Variants in ZNF385C observed in about 807,000 individuals in gnomAD.
ZNF385C encodes CTD-2132N18.2.
In ZNF385C, 28 loss-of-function variants were observed where a neutral mutation model predicts 35.4. That is an observed-to-expected ratio of 0.79 (90% CI 0.59 to 1.08). ZNF385C has a LOEUF of 1.08. ZNF385C is among the 50% of genes least tolerant of loss of function. ZNF385C has a pLI of 0.00. For missense variants in ZNF385C, 605 were observed against 595.6 expected (o/e 1.02, Z -0.16); for synonymous variants, 248 against 248.2 (o/e 1.00, Z 0.01).
intron 5 of ZNF385C, among the ~76,000 whole-genome samples, 165 bp downstream of exon 5, chr17:42,031,454 G>A (rs530207246): frequency 1.3e-5 from 2 of 152,346 alleles, no homozygotes; most frequent in African/African-American, 4.8e-5. Flanking sequence ...TGATCTGGGT[G>A]TGTTCAGCTT....
intron 1 of ZNF385C, among the ~76,000 whole-genome samples, chr17:42,079,335 T>G (rs1598203267): frequency 7.1e-6 from 1 of 140,832 alleles, no homozygotes; most frequent in East Asian, 2.0e-4. Flanking sequence ...CAGTGAGCCA[T>G]GATCATGCCA....
In ZNF385C at chr17:42,035,859, G is replaced by A. The variant is rs981855129; in HGVS notation, c.400-1524C>T. ...GTGAGCCACCGTGCCCAGCCATGAC[G>A]ACCTCTCTTGAGAGAGTGAGAGCCA... On this transcript the variant is annotated intron_variant, in intron 3 of 8. Transcript: ENST00000692273. Among the ~76,000 whole-genome samples, 21 of 151,984 alleles carry A rather than the reference G, an allele frequency of 1.4e-4. 1 individual carries two copies. The South Asian group carries it at 2.5e-3, about 18-fold the overall frequency.
intron 2 of ZNF385C, among the ~76,000 whole-genome samples, chr17:42,051,908 C>T (rs1040638795): frequency 2.6e-5 from 4 of 152,158 alleles, no homozygotes; most frequent in Non-Finnish European, 4.4e-5. Flanking sequence ...GGATGGAGCG[C>T]GAATCACATG....
chr17:42,084,093 C>T (rs376544578), intron 1 of ZNF385C, among the ~76,000 whole-genome samples: 13 of 151,876 alleles, frequency 8.6e-5, no homozygotes, highest in African/African-American at 2.9e-4. Context: ...CCTATAATCC[C>T]ACCATTTTAG....
chr17:42,034,396 G>T, intron 3 of ZNF385C, 61 bp from the exon 4 acceptor site: 1 of 1,283,874 alleles, frequency 7.8e-7, no homozygotes, highest in Non-Finnish European at 1.1e-6. Flanking sequence ...AGGGGTCGGG[G>T]GCAGCACAAA....
chr17:42,093,839 C>A (rs926985952), intron 1 of ZNF385C, among the ~76,000 whole-genome samples: 2 of 152,038 alleles, frequency 1.3e-5, no homozygotes, highest in East Asian at 1.9e-4. Context: ...CCCACCTTGG[C>A]CTCCCAAAGT....
chr17:42,062,781 G>A (rs913261900), intron 2 of ZNF385C, 26 bp downstream of exon 2: 31 of 512,474 alleles, frequency 6.0e-5, no homozygotes, highest in Non-Finnish European at 9.4e-5. Context: ...CCAAATTTGT[G>A]GGAGCAGCGT....
Position 42,040,997 on chromosome 17 carries a change from C to G in ZNF385C, c.251-3112G>C, listed in dbSNP as rs797029316. On this transcript the variant is annotated intron_variant, in intron 2 of 8. Coordinates refer to ENST00000692273, the MANE Select transcript of ZNF385C (RefSeq NM_001392013.1). ...TCCAAGAGCTGGCCAGCAGTGGCCTCGCCCTCCTGTAGCTCCACACTGCCC... is the reference window on the plus strand; with the variant it reads ...TCCAAGAGCTGGCCAGCAGTGGCCTGGCCCTCCTGTAGCTCCACACTGCCC... The G allele has an allele frequency of 3.2e-6, 4 of 1,232,266 alleles. No homozygotes were observed. The African/African-American group carries it at 4.6e-5, about 14-fold the overall frequency. The allele number at this position is 1,232,266 out of a possible 1,614,324, so 76.3% of individuals were successfully genotyped here. A position where few individuals can be genotyped will look rare whatever the true frequency, so the allele number is the denominator to read the frequency against.
At chr17:42,086,518 A>G (rs1367671428) in intron 1 of ZNF385C, among the ~76,000 whole-genome samples, 1 of 152,114 alleles carries the variant, frequency 6.6e-6, no homozygotes, top group Non-Finnish European at 1.5e-5. Flanking sequence ...CCTGGCCAAC[A>G]TGGAGAAACC....
intron 5 of ZNF385C, 77 bp from the exon 6 acceptor site, chr17:42,029,150 G>GC: frequency 6.9e-7 from 1 of 1,456,536 alleles, no homozygotes; most frequent in Non-Finnish European, 9.1e-7. Flanking sequence ...CATGGAGGTG[G>GC]CCTGGAGGGC....
At chr17:42,093,748 T>C (rs2053887885) in intron 1 of ZNF385C, among the ~76,000 whole-genome samples, 1 of 151,734 alleles carries the variant, frequency 6.6e-6, no homozygotes, top group Non-Finnish European at 1.5e-5. Flanking sequence ...GCCCGGCTAA[T>C]TTTTTGTACT....
intron 1 of ZNF385C, among the ~76,000 whole-genome samples, chr17:42,070,290 G>T (rs1209210523): frequency 2.6e-5 from 4 of 152,206 alleles, no homozygotes; most frequent in African/African-American, 9.6e-5. Flanking sequence ...CTTGCAGTGA[G>T]CCGAGATCGC....
chr17:42,052,123 A>G (rs1012415597), intron 2 of ZNF385C, among the ~76,000 whole-genome samples: 6 of 152,158 alleles, frequency 3.9e-5, no homozygotes, highest in African/African-American at 1.4e-4. Flanking sequence ...GCCATGGCTC[A>G]TTAGCTAACT....
At chr17:42,094,183 A>T (rs935625379) in intron 1 of ZNF385C, among the ~76,000 whole-genome samples, 1 of 151,908 alleles carries the variant, frequency 6.6e-6, no homozygotes, top group Admixed American at 6.6e-5. Context: ...GGGGTTCACC[A>T]TGTTGGCCAG....
chr17:42,064,073 T>TACAC (rs55771386), intron 1 of ZNF385C, among the ~76,000 whole-genome samples: 6,942 of 129,646 alleles, frequency 0.054, 303 homozygotes, highest in East Asian at 0.11. Context: ...CACACGCACA[T>TACAC]ACACACACAC....
rs544587713 is a variant in ZNF385C at position 42,062,870 on chromosome 17, C to A, written c.187G>T (p.Gly63Trp). The A allele has an allele frequency of 1.5e-5, 10 of 661,528 alleles. No homozygotes were observed. Among genetic ancestry groups the A allele is most frequent in the African/African-American group, 3.6e-5 (2 of 55,324 alleles). 41.0% of individuals were successfully genotyped at this position (661,528 alleles called of 1,614,324 possible). A position where few individuals can be genotyped will look rare whatever the true frequency, so the allele number is the denominator to read the frequency against. ...AGCCGCCTCTGGTGGGCCCGCCCCC[C>A]ACAGTGCACCTGGGCCTGGGCCGCC... is the stretch of plus-strand genomic sequence containing the variant. ...NSAAQAQVHCGGRAHQRRLRQ... is the reference protein window; with the variant it reads ...NSAAQAQVHCWGRAHQRRLRQ... The change falls in exon 2 of 9, where the codon GGG becomes TGG. Residue 63 changes from glycine to tryptophan, a missense_variant. Gly to Trp is a radical substitution (Grantham distance 184). Transcript: ENST00000692273.
chr17:42,034,615 A>C (rs577298040), intron 3 of ZNF385C, among the ~76,000 whole-genome samples: 2 of 52,226 alleles, frequency 3.8e-5, no homozygotes, highest in Non-Finnish European at 1.3e-4. Context: ...CCCCATCTCT[A>C]CTAAAAAAAA....
At position 42,034,250 on chromosome 17, in the gene ZNF385C, A is replaced by G; in HGVS notation, c.485T>C (p.Ile162Thr). ...LKKKLFISCN[I>T]CHLRFNSANQ... ...CGCTGAGTTGAACCTCAGGTGACAG[A>G]TGTTACAGGAAATGAACAGCTTCTT... The change falls in exon 4 of 9, where the codon ATC becomes ACC. Residue 162 changes from isoleucine (I) to threonine (T), a missense_variant. Transcript: ENST00000692273. 2 of 1,550,598 alleles carry G rather than the reference A, an allele frequency of 1.3e-6. No homozygotes were observed.
In ZNF385C at chr17:42,061,207, A is replaced by ATTTTTTTTTTTTTTTTTTTTTTT. The variant is rs10617911; in HGVS notation, c.250+1577_250+1599dup. On this transcript the variant is annotated intron_variant, in intron 2 of 8. Transcript: ENST00000692273. The stretch of plus-strand genomic sequence containing the variant: ...AAATATTTGGTGAATTAATGAGTTA[A>ATTTTTTTTTTTTTTTTTTTTTTT]TTTTTTTTTTTTTTTTTTTTTTTTT... 15 of 57,454 alleles carry ATTTTTTTTTTTTTTTTTTTTTTT rather than the reference A, an allele frequency of 2.6e-4. 2 individuals carry two copies. In the East Asian group the frequency reaches 2.8e-3, roughly 11 times the overall value. The allele number at this position is 57,454 out of a possible 1,614,324, so 3.6% of individuals were successfully genotyped here.
Sources: allele counts gnomAD v4.1 joint callset (sites outside exome capture counted in the v4.1 genomes callset), GRCh38; gene constraint gnomAD v4.1.1; transcripts MANE v1.5; gene names NCBI Gene and HGNC (gene_info 2026-07-23, HGNC 2026-07-21).